SLC16A10: variants seen among roughly 807,000 people sequenced by gnomAD.
SLC16A10 encodes the protein solute carrier family 16 member 10.
Under a neutral mutation model 40.0 loss-of-function variants are expected in SLC16A10, and 27 were observed. That is an observed-to-expected ratio of 0.67 (90% confidence interval 0.50 to 0.93). The LOEUF (loss-of-function observed/expected upper bound fraction) is 0.93, where lower values mean the gene tolerates loss of function less well. Among genes scored for constraint, SLC16A10 ranks in the 40% least tolerant of loss-of-function variants. The pLI is 0.00. For missense variants in SLC16A10, 529 were observed against 658.2 expected (o/e 0.80, Z 2.15); for synonymous variants, 213 against 249.8 (o/e 0.85, Z 1.39).
intron 3 of SLC16A10, among the ~76,000 whole-genome samples, chr6:111,187,212 C>T (rs1242086258): frequency 2.0e-5 from 3 of 152,120 alleles, no homozygotes; most frequent in Non-Finnish European, 2.9e-5. Context: ...CAAGATGCTT[C>T]CACATTATCT....
chr6:111,175,888 T>A lies in SLC16A10; in HGVS notation c.489-1324T>A, dbSNP rs551921376. Reference sequence around the variant, plus strand: ...TAATTTCAGCTATTTTTTTTTTTTTTAAATAGAGATGGGGTTTTGCTATGT... The same window carrying A: ...TAATTTCAGCTATTTTTTTTTTTTTAAAATAGAGATGGGGTTTTGCTATGT... On this transcript the variant is annotated intron_variant, in intron 2 of 5. Transcript: ENST00000368851. 5.9e-5 allele frequency among the ~76,000 whole-genome samples: 9 copies of A among 151,876 alleles called. No homozygotes were observed. In the South Asian group the frequency reaches 8.3e-4, roughly 14 times the overall value.
At chr6:111,216,301 T>C (rs1265015062) in intron 4 of SLC16A10, among the ~76,000 whole-genome samples, 1 of 152,192 alleles carries the variant, frequency 6.6e-6, no homozygotes, top group Non-Finnish European at 1.5e-5. Context: ...GAAAAGGATA[T>C]TTAACTGGCA....
intron 1 of SLC16A10, among the ~76,000 whole-genome samples, chr6:111,126,470 A>G (rs568359666): frequency 1.3e-5 from 2 of 152,150 alleles, no homozygotes; most frequent in Non-Finnish European, 2.9e-5. Context: ...ATGTTGAACT[A>G]TATCTAGGAG....
chr6:111,146,081 A>C (rs867157889), intron 1 of SLC16A10, among the ~76,000 whole-genome samples: 5 of 152,336 alleles, frequency 3.3e-5, no homozygotes, highest in Non-Finnish European at 5.9e-5. Flanking sequence ...TGGTGTCCAG[A>C]ATATATAAAG....
intron 1 of SLC16A10, among the ~76,000 whole-genome samples, chr6:111,169,033 A>T (rs1195841486): frequency 6.6e-6 from 1 of 152,160 alleles, no homozygotes; most frequent in African/African-American, 2.4e-5. Flanking sequence ...GATTCCCCCC[A>T]GTTGTGGGGA....
At chr6:111,113,179 G>A (rs190258926) in intron 1 of SLC16A10, among the ~76,000 whole-genome samples, 55 of 152,166 alleles carry the variant, frequency 3.6e-4, no homozygotes, top group Non-Finnish European at 6.6e-4. Context: ...GTAAATATGG[G>A]CATTTCTGTG....
chr6:111,097,772 C>T (rs761182482), intron 1 of SLC16A10, among the ~76,000 whole-genome samples: 42 of 152,222 alleles, frequency 2.8e-4, no homozygotes, highest in Admixed American at 1.4e-3. Context: ...GGAGCTGTGC[C>T]GCTTTCCTCC....
chr6:111,152,244 A>G (rs989596028), intron 1 of SLC16A10, among the ~76,000 whole-genome samples: 1 of 152,150 alleles, frequency 6.6e-6, no homozygotes, highest in African/African-American at 2.4e-5. Flanking sequence ...TTTGAGTCCT[A>G]ATTTTGTCAA....
chr6:111,208,017 G>A (rs1326133809), intron 4 of SLC16A10, among the ~76,000 whole-genome samples: 1 of 152,112 alleles, frequency 6.6e-6, no homozygotes, highest in East Asian at 1.9e-4. Context: ...TTCCCAGGCT[G>A]GAGTACAGTG....
At chr6:111,090,071 C>G (rs897510511) in intron 1 of SLC16A10, among the ~76,000 whole-genome samples, 2 of 151,766 alleles carry the variant, frequency 1.3e-5, no homozygotes, top group Non-Finnish European at 2.9e-5. Context: ...TATCCCAATA[C>G]TGGGTAGCTG....
Position 111,087,697 on chromosome 6 carries a change from G to T in SLC16A10, c.-56G>T, listed in dbSNP as rs1419186176. The T allele has an allele frequency of 3.9e-6, 4 of 1,030,168 alleles. No individual in the cohort carries two copies. Among genetic ancestry groups the T allele is most frequent in the Non-Finnish European group, 4.9e-6 (4 of 814,082 alleles). The allele number at this position is 1,030,168 out of a possible 1,614,324, so 63.8% of individuals were successfully genotyped here. On this transcript the variant is annotated 5_prime_UTR_variant, in exon 1 of 6. Transcript: ENST00000368851. ...AGCCCCGCAGCTCCTCCGGGAGCCC[G>T]CTGGTAACTCGCGTCCCTCGCGCTT...
intron 3 of SLC16A10, chr6:111,193,301 A>T: frequency 1.0e-6 from 1 of 985,706 alleles, no homozygotes; most frequent in African/African-American, 1.7e-5. Flanking sequence ...AGATCTCAAC[A>T]TCTGCTGCAA....
In SLC16A10 at chr6:111,227,261, C is replaced by T. The variant is rs929940960; in HGVS notation, c.*5026C>T. On this transcript the variant is annotated 3_prime_UTR_variant, in exon 6 of 6. Coordinates refer to ENST00000368851, the MANE Select transcript of SLC16A10 (RefSeq NM_018593.5). ...TAATAACAAGGTAGACAAGCAGGCCCTGGGCTCACTATAATTTCATAGCCA... is the reference window on the plus strand; with the variant it reads ...TAATAACAAGGTAGACAAGCAGGCCTTGGGCTCACTATAATTTCATAGCCA... The T allele has an allele frequency of 6.6e-6, 1 of 152,220 alleles. No individual in the cohort carries two copies. The highest frequency in any genetic ancestry group is 1.5e-5 in the Non-Finnish European group (1 of 68,054). 9.4% of individuals were successfully genotyped at this position (152,220 alleles called of 1,614,324 possible).
chr6:111,221,890 A>G, intron 5 of SLC16A10, 113 bp from the exon 6 acceptor site: 1 of 191,132 alleles, frequency 5.2e-6, no homozygotes, highest in Non-Finnish European at 9.4e-6. Context: ...TCTGTTTCCT[A>G]AAAAAAAAAA....
At chr6:111,188,016 A>C (rs1364091877) in intron 3 of SLC16A10, among the ~76,000 whole-genome samples, 1 of 152,136 alleles carries the variant, frequency 6.6e-6, no homozygotes, top group Admixed American at 6.5e-5. Flanking sequence ...TGTTCACTAT[A>C]AGGTTCTGAC....
chr6:111,098,220 C>T (rs1215835600), intron 1 of SLC16A10, among the ~76,000 whole-genome samples: 1 of 152,044 alleles, frequency 6.6e-6, no homozygotes, highest in Non-Finnish European at 1.5e-5. Context: ...GTAGGAGAAT[C>T]GCTTGAACCC....
At chr6:111,175,169 T>C (rs1373579021) in intron 2 of SLC16A10, among the ~76,000 whole-genome samples, 2 of 152,190 alleles carry the variant, frequency 1.3e-5, no homozygotes, top group Admixed American at 6.5e-5. Context: ...ATCACACCCA[T>C]GTCCCTTCTC....
At chr6:111,146,117 G>A (rs1772072506) in intron 1 of SLC16A10, among the ~76,000 whole-genome samples, 2 of 152,092 alleles carry the variant, frequency 1.3e-5, no homozygotes, top group Non-Finnish European at 2.9e-5. Context: ...GCAATAAAAA[G>A]ACAAGTAACA....
At chr6:111,121,077 A>T (rs910293595) in intron 1 of SLC16A10, among the ~76,000 whole-genome samples, 7 of 152,152 alleles carry the variant, frequency 4.6e-5, no homozygotes, top group Admixed American at 1.3e-4. Context: ...TGGAATGTTT[A>T]TTTCCAGGAA....
Sources: allele counts gnomAD v4.1 joint callset (sites outside exome capture counted in the v4.1 genomes callset), GRCh38; gene constraint gnomAD v4.1.1; transcripts MANE v1.5; gene names NCBI Gene and HGNC (gene_info 2026-07-23, HGNC 2026-07-21).